Variants in CYP2C19 observed in about 807,000 individuals in gnomAD.
CYP2C19 encodes the protein cytochrome P450 2C19.
Under a neutral mutation model 40.9 loss-of-function variants are expected in CYP2C19, and 59 were observed. The observed-to-expected ratio is 1.44, with a 90% CI of 1.17 to 1.79. The LOEUF (loss-of-function observed/expected upper bound fraction) is 1.79. Among genes scored for constraint, CYP2C19 ranks in the 40% most tolerant of loss-of-function variants. The probability of loss-of-function intolerance (pLI) is 0.00; values close to 1 mark genes in which losing one functional copy is unlikely to be tolerated. For synonymous variants in CYP2C19, 253 were observed against 208.7 expected (o/e 1.21, Z -1.83); for missense variants, 754 against 596.9 (o/e 1.26, Z -2.74).
chr10:94,771,476 T>C (rs374317490), intron 1 of CYP2C19, among the ~76,000 whole-genome samples: 7 of 152,150 alleles, frequency 4.6e-5, no homozygotes, highest in Admixed American at 1.3e-4. Context: ...AGTTGCAGGA[T>C]AGCATTGTAA....
chr10:94,780,760 T>A, intron 4 of CYP2C19, 101 bp downstream of exon 4: 1 of 1,313,236 alleles, frequency 7.6e-7, no homozygotes, highest in Non-Finnish European at 1.1e-6. Context: ...CATTTTTGAA[T>A]ACTACAGTCT....
chr10:94,846,053 A>G, intron 7 of CYP2C19, among the ~76,000 whole-genome samples: 1 of 152,156 alleles, frequency 6.6e-6, no homozygotes, highest in African/African-American at 2.4e-5. Flanking sequence ...ATACAATAAT[A>G]TTATTTACTG....
rs1589352563 is a variant in CYP2C19 at position 94,788,319 on chromosome 10, G to A, written c.819+6322G>A. 2.6e-5 allele frequency among the ~76,000 whole-genome samples: 4 copies of A among 152,166 alleles called. No individual in the cohort carries two copies. In the East Asian group the frequency reaches 7.7e-4, roughly 29 times the overall value. On this transcript the variant is annotated intron_variant, in intron 5 of 8. Coordinates refer to ENST00000371321, the MANE Select transcript of CYP2C19 (RefSeq NM_000769.4). ...TCTAGGCCTGAGATGGGTCTTCTAG[G>A]TCTGAGATGGAGCTTCTATATCTAC...
At chr10:94,848,234 C>A (rs1448243264) in intron 7 of CYP2C19, among the ~76,000 whole-genome samples, 1 of 152,084 alleles carries the variant, frequency 6.6e-6, no homozygotes, top group East Asian at 1.9e-4. Flanking sequence ...GTCTTTGATC[C>A]ATCTTGAATT....
intron 6 of CYP2C19, 68 bp downstream of exon 6, chr10:94,820,705 C>T: frequency 6.3e-7 from 1 of 1,587,356 alleles, no homozygotes. Flanking sequence ...CTAGTGTTCT[C>T]CTTTCTGTTT....
Position 94,780,574 on chromosome 10 carries a change from G to T in CYP2C19, c.557G>T (p.Arg186Leu), listed in dbSNP as rs140278421. The T allele has an allele frequency of 1.2e-6, 2 of 1,613,806 alleles. No homozygotes were observed. Among genetic ancestry groups the T allele is most frequent in the East Asian group, 2.2e-5 (1 of 44,864 alleles). ...ATCTGCTCCATTATTTTCCAGAAAC[G>T]TTTCGATTATAAAGATCAGCAATTT... is the stretch of plus-strand genomic sequence containing the variant. The part of the protein sequence containing the change: ...NVICSIIFQK[R>L]FDYKDQQFLN... The change falls in exon 4 of 9, where the codon CGT (arginine) becomes CTT (leucine). Residue 186 changes from arginine to leucine, a missense_variant. Physicochemically the swap from Arg to Leu is moderately radical, Grantham distance 102. Coordinates refer to ENST00000371321, the MANE Select transcript of CYP2C19 (RefSeq NM_000769.4).
rs1848811384 is a variant in CYP2C19, at chr10:94,804,792, T to C, written c.820-15704T>C. On this transcript the variant is annotated intron_variant, in intron 5 of 8. Transcript: ENST00000371321. The stretch of plus-strand genomic sequence containing the variant: ...GGATTTTTCTTCTTGAATTTAAGCT[T>C]ACAAAGTTGATCTTTATGTACTGTG... Among the ~76,000 whole-genome samples the C allele has an allele frequency of 2.0e-5, 3 of 152,212 alleles. No individual in the cohort carries two copies. The South Asian group carries it at 6.2e-4, about 32-fold the overall frequency.
chr10:94,793,655 G>A (rs566972383), intron 5 of CYP2C19, among the ~76,000 whole-genome samples: 2 of 152,150 alleles, frequency 1.3e-5, no homozygotes, highest in Non-Finnish European at 2.9e-5. Flanking sequence ...GATATCACCA[G>A]TGGAGGCTGC....
intron 3 of CYP2C19, chr10:94,775,871 T>C (rs17879992): frequency 0.075 from 27,694 of 368,848 alleles, 1,268 homozygotes; most frequent in East Asian, 0.12. Context: ...TTTCCCATTA[T>C]CTATTCCAGA....
At position 94,852,759 on chromosome 10, in the gene CYP2C19, C is replaced by G. The variant is rs752737707; in HGVS notation, c.1318C>G (p.Leu440Val). 3.1e-6 allele frequency: 5 copies of G among 1,614,010 alleles called. No homozygotes were observed. The South Asian group carries it at 5.5e-5, about 18-fold the overall frequency. Residue 440 changes from leucine to valine, a missense_variant, in exon 9 of 9, where the codon CTG becomes GTG. Coordinates refer to ENST00000371321, the MANE Select transcript of CYP2C19 (RefSeq NM_000769.4). ...AAAACGGATTTGTGTGGGAGAGGGCCTGGCCCGCATGGAGCTGTTTTTATT... is the reference window on the plus strand; with the variant it reads ...AAAACGGATTTGTGTGGGAGAGGGCGTGGCCCGCATGGAGCTGTTTTTATT... ...AGKRICVGEG[L>V]ARMELFLFLT... is the part of the protein sequence containing the mutation.
At chr10:94,838,500 C>T (rs1039061051) in intron 6 of CYP2C19, among the ~76,000 whole-genome samples, 6 of 152,106 alleles carry the variant, frequency 3.9e-5, no homozygotes, top group Non-Finnish European at 1.5e-5. Context: ...TTTTAATTTG[C>T]TTTAAGTCTG....
chr10:94,793,805 C>A (rs1186015113), intron 5 of CYP2C19, among the ~76,000 whole-genome samples: 1 of 152,086 alleles, frequency 6.6e-6, no homozygotes, highest in Non-Finnish European at 1.5e-5. Context: ...TACTCGGGAG[C>A]CAGGTACCCA....
intron 5 of CYP2C19, among the ~76,000 whole-genome samples, chr10:94,782,257 G>T (rs1589349869): frequency 6.6e-6 from 1 of 152,186 alleles, no homozygotes; most frequent in Non-Finnish European, 1.5e-5. Context: ...GATAGGAAAA[G>T]CTCTGTTCTG....
intron 6 of CYP2C19, among the ~76,000 whole-genome samples, chr10:94,836,039 G>T (rs1229514058): frequency 6.6e-6 from 1 of 152,182 alleles, no homozygotes; most frequent in African/African-American, 2.4e-5. Flanking sequence ...TGACAGTTAT[G>T]TTCTATCTTT....
intron 6 of CYP2C19, among the ~76,000 whole-genome samples, chr10:94,827,578 G>A (rs966564320): frequency 2.0e-5 from 3 of 151,890 alleles, no homozygotes; most frequent in Admixed American, 6.6e-5. Flanking sequence ...TCTTGCTAGT[G>A]GTCTATCAAT....
chr10:94,827,202 T>C (rs1849241323), intron 6 of CYP2C19, among the ~76,000 whole-genome samples: 1 of 151,910 alleles, frequency 6.6e-6, no homozygotes, highest in African/African-American at 2.4e-5. Flanking sequence ...GGATTCCCTC[T>C]TTTTCTATTG....
intron 1 of CYP2C19, among the ~76,000 whole-genome samples, chr10:94,766,221 AG>A: frequency 9.4e-6 from 1 of 106,158 alleles, no homozygotes; most frequent in South Asian, 4.5e-4. Flanking sequence ...TTGCCAGGGA[AG>A]GATTGGACTG....
At chr10:94,791,359 A>G (rs1037554020) in intron 5 of CYP2C19, among the ~76,000 whole-genome samples, 7 of 151,594 alleles carry the variant, frequency 4.6e-5, no homozygotes, top group South Asian at 2.1e-4. Flanking sequence ...TTCTGTGTCT[A>G]TCTCCTCCAG....
intron 6 of CYP2C19, among the ~76,000 whole-genome samples, chr10:94,840,670 G>A (rs1445861132): frequency 6.6e-6 from 1 of 152,218 alleles, no homozygotes; most frequent in Admixed American, 6.5e-5. Context: ...CAGGTGAGTA[G>A]AGACTTCTGG....
Sources: gnomAD v4.1 joint callset for allele counts (sites outside exome capture counted in the v4.1 genomes callset) on GRCh38, gnomAD v4.1.1 for gene constraint, MANE v1.5 for transcripts, NCBI Gene and HGNC (gene_info 2026-07-23, HGNC 2026-07-21) for gene names.